Variants in ZNF585B observed in about 807,000 individuals in gnomAD.
The protein encoded by ZNF585B is zinc finger protein 585B.
In ZNF585B, 7 loss-of-function variants were observed where a neutral mutation model predicts 14.0. The ratio of observed to expected loss-of-function variants is 0.50; its 90% CI spans 0.28 to 0.94. ZNF585B has a LOEUF of 0.94. ZNF585B is among the 40% of genes least tolerant of loss of function. The pLI, the probability that ZNF585B is intolerant of heterozygous loss-of-function variation, is 0.09. For synonymous variants in ZNF585B, 290 were observed against 317.3 expected (o/e 0.91, Z 0.91); for missense variants, 750 against 924.4 (o/e 0.81, Z 2.45).
intron 1 of ZNF585B, among the ~76,000 whole-genome samples, chr19:37,207,491 T>C (rs1355059006): frequency 1.3e-5 from 2 of 152,220 alleles, no homozygotes; most frequent in Non-Finnish European, 2.9e-5. Flanking sequence ...CAGGAAATGC[T>C]GATGCTGCTG....
chr19:37,206,997 C>G, intron 2 of ZNF585B, 43 bp downstream of exon 2: 1 of 1,611,648 alleles, frequency 6.2e-7, no homozygotes, highest in East Asian at 2.2e-5. Context: ...GAGCTATCTA[C>G]TCTTGGACTG....
chr19:37,193,068 G>A (rs1174444177), intron 2 of ZNF585B, among the ~76,000 whole-genome samples: 1 of 152,106 alleles, frequency 6.6e-6, no homozygotes, highest in East Asian at 1.9e-4. Flanking sequence ...CCAGGAGGCA[G>A]AGGTTGCAGT....
At chr19:37,192,977 T>A (rs1972419279) in intron 2 of ZNF585B, among the ~76,000 whole-genome samples, 1 of 150,922 alleles carries the variant, frequency 6.6e-6, no homozygotes, top group Non-Finnish European at 1.5e-5. Flanking sequence ...CTACTAAAGA[T>A]ACAAAAAATT....
chr19:37,185,343 T>C lies in ZNF585B; in HGVS notation c.2194A>G (p.Asn732Asp). Residue 732 changes from asparagine to aspartate, a missense_variant, in exon 5 of 5, where the codon AAT becomes GAT. By Grantham distance (23) the Asn-to-Asp change is conservative. Around this residue, in one of 2 missense-constraint regions of ZNF585B, gnomAD observed 233 missense variants for 354.1 expected, o/e 0.66. Coordinates refer to ENST00000532828, the MANE Select transcript of ZNF585B (RefSeq NM_152279.4). The stretch of plus-strand genomic sequence containing the variant: ...TGTGTTGTCTGATGTTTATTCAAAT[T>C]GGACCTGTTGCTAAAGGCCTTCCCA... The part of the protein sequence containing the change: ...ECGKAFSNRS[N>D]LNKHQTTHTG... 1.9e-6 allele frequency: 3 copies of C among 1,614,202 alleles called. No homozygotes were observed. In the South Asian group the frequency reaches 3.3e-5, roughly 18 times the overall value.
At chr19:37,194,063 C>T (rs1189276561) in intron 2 of ZNF585B, among the ~76,000 whole-genome samples, 2 of 152,102 alleles carry the variant, frequency 1.3e-5, no homozygotes, top group Non-Finnish European at 2.9e-5. Context: ...GTTTGAGATT[C>T]ACTTTAAAAT....
chr19:37,200,299 C>A (rs1342237346), intron 2 of ZNF585B, among the ~76,000 whole-genome samples: 2 of 151,642 alleles, frequency 1.3e-5, no homozygotes, highest in African/African-American at 4.8e-5. Flanking sequence ...CGCCTCTAAT[C>A]CCAGCACTTT....
In ZNF585B at chr19:37,184,482, AAGAAAG is replaced by A. The variant is rs1159240964; in HGVS notation, c.*739_*744del. ...AAAGAAAGAAAGAAAGAAAGAAAGA[AAGAAAG>A]AAAGAAAGAAAGAAAGAGAAAGAAA... is the stretch of plus-strand genomic sequence containing the variant. On this transcript the variant is annotated 3_prime_UTR_variant, in exon 5 of 5. Transcript: ENST00000532828. 8.2e-6 allele frequency: 1 copy of A among 121,828 alleles called. No homozygotes were observed. Among genetic ancestry groups the A allele is most frequent in the Non-Finnish European group, 1.7e-5 (1 of 57,604 alleles). 7.5% of individuals were successfully genotyped at this position (121,828 alleles called of 1,614,324 possible).
chr19:37,209,141 G>C (rs370368770), intron 1 of ZNF585B, among the ~76,000 whole-genome samples: 1 of 152,026 alleles, frequency 6.6e-6, no homozygotes, highest in East Asian at 1.9e-4. Context: ...TTTCACTCTT[G>C]TCGCCCCGGC....
chr19:37,208,599 A>T (rs935695544), intron 1 of ZNF585B, among the ~76,000 whole-genome samples: 1 of 152,042 alleles, frequency 6.6e-6, no homozygotes, highest in Non-Finnish European at 1.5e-5. Flanking sequence ...AGGCCAAAAA[A>T]AAAAATAAAA....
chr19:37,206,647 A>G (rs1242333911), intron 2 of ZNF585B, among the ~76,000 whole-genome samples: 1 of 152,228 alleles, frequency 6.6e-6, no homozygotes, highest in Non-Finnish European at 1.5e-5. Flanking sequence ...ACATCTGAAA[A>G]ACAAGTTTCA....
At chr19:37,208,047 ACTGCAAC>A (rs1446559786) in intron 1 of ZNF585B, among the ~76,000 whole-genome samples, 1 of 152,108 alleles carries the variant, frequency 6.6e-6, no homozygotes, top group African/African-American at 2.4e-5. Flanking sequence ...ACCTCATCTC[ACTGCAAC>A]CTCCACCTCC....
intron 2 of ZNF585B, chr19:37,190,384 T>G: frequency 2.6e-6 from 1 of 391,836 alleles, no homozygotes; most frequent in East Asian, 5.3e-5. Flanking sequence ...TAGCTGGGAT[T>G]ACAGGCACGT....
chr19:37,198,827 T>C (rs1398681029), intron 2 of ZNF585B: 1 of 505,204 alleles, frequency 2.0e-6, no homozygotes, highest in Admixed American at 3.3e-5. Flanking sequence ...GTCCTTTGTA[T>C]AGAGGTCACT....
intron 2 of ZNF585B, chr19:37,198,972 A>G (rs1972502294): frequency 6.6e-7 from 1 of 1,525,950 alleles, no homozygotes. Flanking sequence ...GCATTCAGAG[A>G]TTACAGTTTG....
intron 2 of ZNF585B, among the ~76,000 whole-genome samples, chr19:37,196,374 G>A (rs1461373422): frequency 6.6e-6 from 1 of 152,090 alleles, no homozygotes; most frequent in East Asian, 1.9e-4. Flanking sequence ...CCTAAAGAAA[G>A]ATTATTCCAA....
Position 37,190,073 on chromosome 19 carries a change from G to A in ZNF585B, c.150C>T (p.Asn50=), listed in dbSNP as rs1401965518. Reference sequence around the variant, plus strand: ...TCTCCAGCATCACATCCCGGTACAGGTTTCTCTGAGAAAGGTCCAGGTGCC... The same window carrying A: ...TCTCCAGCATCACATCCCGGTACAGATTTCTCTGAGAAAGGTCCAGGTGCC... ...EWRHLDLSQR[N]LYRDVMLETY... The change falls in exon 3 of 5, where the codon AAC becomes AAT. Residue 50 remains asparagine, a synonymous_variant. Coordinates refer to ENST00000532828, the MANE Select transcript of ZNF585B (RefSeq NM_152279.4). 1.9e-6 allele frequency: 3 copies of A among 1,613,976 alleles called. No homozygotes were observed. The highest frequency in any genetic ancestry group is 1.6e-4 in the Middle Eastern group (1 of 6,084).
At chr19:37,199,255 C>T (rs1972505031) in intron 2 of ZNF585B, 1 of 386,658 alleles carries the variant, frequency 2.6e-6, no homozygotes, top group Admixed American at 3.9e-5. Context: ...AGGCTGGGTG[C>T]AGTGGCCCAT....
At chr19:37,196,877 G>A (rs1170982598) in intron 2 of ZNF585B, among the ~76,000 whole-genome samples, 1 of 152,110 alleles carries the variant, frequency 6.6e-6, no homozygotes, top group East Asian at 1.9e-4. Flanking sequence ...AAGTTTCAGG[G>A]ATGGTCAAAA....
At chr19:37,187,321 A>G in intron 4 of ZNF585B, 77 bp from the exon 5 acceptor site, 1 of 1,091,984 alleles carries the variant, frequency 9.2e-7, no homozygotes, top group Non-Finnish European at 1.3e-6. Context: ...TCTTTGAAGC[A>G]TCGTTTCTAT....
Sources: gnomAD v4.1 joint callset for allele counts (sites outside exome capture counted in the v4.1 genomes callset) on GRCh38, gnomAD v4.1.1 for gene constraint, gnomAD v4.1.1 regional missense constraint, MANE v1.5 for transcripts, NCBI Gene and HGNC (gene_info 2026-07-23, HGNC 2026-07-21) for gene names.